MACROD2: variants seen among roughly 807,000 people sequenced by gnomAD.
MACROD2 encodes mono-ADP ribosylhydrolase 2.
A neutral mutation model predicts 70.4 loss-of-function variants in MACROD2; 36 were observed. The ratio of observed to expected loss-of-function variants is 0.51; its 90% confidence interval spans 0.39 to 0.68. The LOEUF (loss-of-function observed/expected upper bound fraction) is 0.68, where lower values mean the gene tolerates loss of function less well. Among genes scored for constraint, MACROD2 ranks in the 30% least tolerant of loss-of-function variants. The pLI is 0.00. For missense variants in MACROD2, 496 were observed against 538.4 expected (o/e 0.92, Z 0.78); for synonymous variants, 172 against 178.8 (o/e 0.96, Z 0.30).
chr20:14,889,240 T>G (rs1373011030), intron 5 of MACROD2, among the ~76,000 whole-genome samples: 3 of 152,176 alleles, frequency 2.0e-5, no homozygotes, highest in African/African-American at 4.8e-5. Flanking sequence ...GGCCAAAGGT[T>G]GTTGTAGGCA....
chr20:14,046,940 A>G (rs1346047424), intron 2 of MACROD2, among the ~76,000 whole-genome samples: 1 of 152,084 alleles, frequency 6.6e-6, no homozygotes, highest in East Asian at 1.9e-4. Flanking sequence ...TGGGTAAATA[A>G]ACTGTGGTAT....
intron 5 of MACROD2, among the ~76,000 whole-genome samples, chr20:15,033,938 A>C (rs893888319): frequency 7.2e-5 from 11 of 152,220 alleles, no homozygotes; most frequent in African/African-American, 2.7e-4. Context: ...AATGAATGAG[A>C]GTTCAGACGG....
At chr20:15,559,728 C>G (rs141699855) in intron 8 of MACROD2, among the ~76,000 whole-genome samples, 1 of 152,314 alleles carries the variant, frequency 6.6e-6, no homozygotes, top group Non-Finnish European at 1.5e-5. Context: ...CTTGGGCTCA[C>G]AGTGGTCAAT....
chr20:15,639,013 C>T (rs774632287), intron 8 of MACROD2, among the ~76,000 whole-genome samples: 5 of 152,020 alleles, frequency 3.3e-5, no homozygotes, highest in Non-Finnish European at 5.9e-5. Flanking sequence ...TGGAAGGTGC[C>T]AGTGAAAGAC....
chr20:14,307,509 A>C (rs998200015), intron 3 of MACROD2, among the ~76,000 whole-genome samples: 2 of 152,134 alleles, frequency 1.3e-5, no homozygotes, highest in Non-Finnish European at 2.9e-5. Context: ...CTTTGGGGCA[A>C]AGTCTAAAAT....
Position 15,949,627 on chromosome 20 carries a change from G to A in MACROD2, c.907+12083G>A, listed in dbSNP as rs16996850. Among the ~76,000 whole-genome samples, 365 of 152,192 alleles carry A rather than the reference G, an allele frequency of 2.4e-3. 1 individual carries two copies. The highest frequency in any genetic ancestry group is 0.023 in the South Asian group (111 of 4,808). On this transcript the variant is annotated intron_variant, in intron 12 of 17. Coordinates refer to ENST00000684519, the MANE Select transcript of MACROD2 (RefSeq NM_001351661.2). ...GGAGATTTGTTAACTGGGTATCTTC[G>A]CTTGAATACCAGACATTCCATTGGT...
At chr20:14,513,469 A>G (rs563894633) in intron 4 of MACROD2, among the ~76,000 whole-genome samples, 49 of 152,204 alleles carry the variant, frequency 3.2e-4, no homozygotes, top group African/African-American at 1.1e-3. Flanking sequence ...CATGAATTAA[A>G]TGAGTTAGCC....
intron 5 of MACROD2, among the ~76,000 whole-genome samples, chr20:14,908,898 G>A (rs1439013736): frequency 6.6e-6 from 1 of 152,150 alleles, no homozygotes; most frequent in Non-Finnish European, 1.5e-5. Flanking sequence ...TGTAAATGGT[G>A]TTATTACTGA....
chr20:14,945,017 C>T lies in MACROD2; in HGVS notation c.418+260058C>T, dbSNP rs548983283. Among the ~76,000 whole-genome samples, 4 of 152,268 alleles carry T rather than the reference C, an allele frequency of 2.6e-5. No individual in the cohort carries two copies. In the East Asian group the frequency reaches 7.7e-4, roughly 29 times the overall value. ...TCCTGCACAAATCCAGCCTACTAAA[C>T]CATGATTTAAAGAAAAGTTTAGTAT... On this transcript the variant is annotated intron_variant, in intron 5 of 17. Transcript: ENST00000684519.
rs140352980 is a variant in MACROD2 at position 15,657,208 on chromosome 20, T to G, written c.645+157361T>G. 7.1e-4 allele frequency among the ~76,000 whole-genome samples: 108 copies of G among 152,328 alleles called. 1 individual carries two copies. The Middle Eastern group carries it at 0.02, about 29-fold the overall frequency. On this transcript the variant is annotated intron_variant, in intron 8 of 17. Transcript: ENST00000684519. Reference sequence around the variant, plus strand: ...CTGAGTAAAAATCAATGACAGCCAGTAAACAAGCACATAAGCACACTCCCC... The same window carrying G: ...CTGAGTAAAAATCAATGACAGCCAGGAAACAAGCACATAAGCACACTCCCC...
rs148519811 is a variant in MACROD2, at chr20:14,800,332, G to A, written c.418+115373G>A. The stretch of plus-strand genomic sequence containing the variant: ...CCTCAAATTCCAATTATTTTAGAGT[G>A]TATAAAGAGAGTGAAATAAATCCTT... On this transcript the variant is annotated intron_variant, in intron 5 of 17. Transcript: ENST00000684519. Among the ~76,000 whole-genome samples, 504 of 152,134 alleles carry A rather than the reference G, an allele frequency of 3.3e-3. 6 individuals carry two copies. The highest frequency in any genetic ancestry group is 0.01 in the African/African-American group (434 of 41,472).
intron 3 of MACROD2, among the ~76,000 whole-genome samples, chr20:14,207,139 TCTGTC>T (rs1163832286): frequency 2.0e-5 from 3 of 151,944 alleles, no homozygotes; most frequent in African/African-American, 7.3e-5. Flanking sequence ...GGAGTCTTGC[TCTGTC>T]ACTCAGGCTG....
rs371923208 is a variant in MACROD2, at chr20:14,245,489, A to G, written c.271+159761A>G. 4.6e-5 allele frequency among the ~76,000 whole-genome samples: 7 copies of G among 152,304 alleles called. No homozygotes were observed. In the East Asian group the frequency reaches 1.2e-3, roughly 25 times the overall value. On this transcript the variant is annotated intron_variant, in intron 3 of 17. Transcript: ENST00000684519. The stretch of plus-strand genomic sequence containing the variant: ...TGGAGAAACTTGAAGCTCAGAGAGG[A>G]TGAGTAACTTGCACAGAGTTGCATA...
intron 5 of MACROD2, among the ~76,000 whole-genome samples, chr20:14,737,721 T>C (rs1006762896): frequency 3.3e-5 from 5 of 152,198 alleles, no homozygotes; most frequent in Non-Finnish European, 7.3e-5. Flanking sequence ...TGAGCTTTTT[T>C]TCATATGTTC....
chr20:15,967,444 C>G, intron 12 of MACROD2, 109 bp from the exon 13 acceptor site: 1 of 908,406 alleles, frequency 1.1e-6, no homozygotes, highest in Non-Finnish European at 1.6e-6. Context: ...ATTTTTAAAA[C>G]GAATAAATTC....
intron 3 of MACROD2, among the ~76,000 whole-genome samples, chr20:14,100,200 C>T (rs1463660349): frequency 1.3e-5 from 2 of 151,708 alleles, no homozygotes; most frequent in Admixed American, 6.6e-5. Context: ...ATGATATTCT[C>T]AAAACTACAT....
intron 7 of MACROD2, among the ~76,000 whole-genome samples, chr20:15,482,609 A>T (rs1165987922): frequency 2.6e-5 from 4 of 152,314 alleles, no homozygotes; most frequent in African/African-American, 9.6e-5. Flanking sequence ...GGGTAGTGTG[A>T]TAAAAGTATA....
chr20:15,745,651 T>C (rs1265492214), intron 8 of MACROD2, among the ~76,000 whole-genome samples: 5 of 152,188 alleles, frequency 3.3e-5, no homozygotes, highest in African/African-American at 1.2e-4. Context: ...AAAAGTATTT[T>C]CCTATATAAG....
At chr20:14,216,330 A>G (rs1188521833) in intron 3 of MACROD2, among the ~76,000 whole-genome samples, 1 of 151,908 alleles carries the variant, frequency 6.6e-6, no homozygotes, top group Non-Finnish European at 1.5e-5. Flanking sequence ...ATTTGGGTTT[A>G]TTTCTGGGCT....
Sources: gnomAD v4.1 joint callset for allele counts (sites outside exome capture counted in the v4.1 genomes callset) on GRCh38, gnomAD v4.1.1 for gene constraint, MANE v1.5 for transcripts, NCBI Gene and HGNC (gene_info 2026-07-23, HGNC 2026-07-21) for gene names.